ITPK1: variants seen among roughly 807,000 people sequenced by gnomAD.
ITPK1 encodes inositol 1,3,4-trisphosphate 5/6-kinase.
ITPK1 carries 21 observed loss-of-function variants against 45.3 expected under a neutral mutation model. The ratio of observed to expected loss-of-function variants is 0.46; its 90% CI spans 0.33 to 0.67. The LOEUF (loss-of-function observed/expected upper bound fraction) is 0.67, where lower values mean the gene tolerates loss of function less well. Ranked by LOEUF, ITPK1 falls within the 30% of genes least tolerant of loss-of-function variation. The pLI is 0.02. For synonymous variants in ITPK1, 258 were observed against 253.6 expected (o/e 1.02, Z -0.16); for missense variants, 474 against 573.5 (o/e 0.83, Z 1.77).
chr14:92,948,982 GC>G lies in ITPK1; in HGVS notation c.739-2490del, dbSNP rs771228082. ...ACCCCGGCTTTGCAGGACACACAGG[GC>G]CCCCCTGCTCACAGCCTCAAGGCCT... On this transcript the variant is annotated intron_variant, in intron 9 of 10. Transcript: ENST00000267615. Among the ~76,000 whole-genome samples the G allele has an allele frequency of 1.6e-4, 22 of 140,714 alleles. No individual in the cohort carries two copies. In the South Asian group the frequency reaches 2.4e-3, roughly 16 times the overall value. The allele number at this position is 140,714 out of a possible 152,430, so 92.3% of individuals were successfully genotyped here.
In ITPK1 at chr14:92,993,989, G is replaced by A. The variant is rs375334505; in HGVS notation, c.255C>T (p.Ile85=). ...GGACGATGGTCTCAGGGTGGGCATCGATGTACTCCTGAAAGGGAAGCATGC... is the reference window on the plus strand; with the variant it reads ...GGACGATGGTCTCAGGGTGGGCATCAATGTACTCCTGAAAGGGAAGCATGC... ...LELVHRFQEY[I]DAHPETIVLD... is the part of the protein sequence containing the mutation. Residue 85 remains isoleucine (I), a synonymous_variant, in exon 5 of 11, where the codon ATC becomes ATT. Transcript: ENST00000267615. 24 of 1,610,146 alleles carry A rather than the reference G, an allele frequency of 1.5e-5. No homozygotes were observed. Among genetic ancestry groups the A allele is most frequent in the Admixed American group, 5.0e-5 (3 of 60,004 alleles).
intron 3 of ITPK1, among the ~76,000 whole-genome samples, chr14:93,055,866 TGACTCCACA>T (rs771064494): frequency 6.6e-6 from 1 of 152,138 alleles, no homozygotes; most frequent in Non-Finnish European, 1.5e-5. Flanking sequence ...GGAGTGGCAA[TGACTCCACA>T]GACCTTCCTG....
At chr14:93,103,814 G>T (rs1405467067) in intron 2 of ITPK1, among the ~76,000 whole-genome samples, 1 of 152,170 alleles carries the variant, frequency 6.6e-6, no homozygotes, top group Non-Finnish European at 1.5e-5. Context: ...CTGTTGGATG[G>T]AAACAGGGTG....
At chr14:93,050,625 C>T (rs1364938910) in intron 3 of ITPK1, among the ~76,000 whole-genome samples, 2 of 152,104 alleles carry the variant, frequency 1.3e-5, no homozygotes, top group African/African-American at 4.8e-5. Context: ...TGTTTCCTCC[C>T]TTTATTCTCT....
chr14:92,991,235 T>A (rs1401974360), intron 5 of ITPK1, among the ~76,000 whole-genome samples: 1 of 151,946 alleles, frequency 6.6e-6, no homozygotes, highest in Non-Finnish European at 1.5e-5. Flanking sequence ...GCTCTCTGCC[T>A]CTGCAGCTGG....
chr14:93,005,017 C>T (rs1421688259), intron 4 of ITPK1, among the ~76,000 whole-genome samples: 1 of 152,104 alleles, frequency 6.6e-6, no homozygotes, highest in Non-Finnish European at 1.5e-5. Flanking sequence ...GAGCAGGAGA[C>T]GGACCAGCTG....
At chr14:92,978,809 G>T (rs752419871) in intron 5 of ITPK1, among the ~76,000 whole-genome samples, 6 of 152,218 alleles carry the variant, frequency 3.9e-5, no homozygotes, top group Non-Finnish European at 7.3e-5. Context: ...GAAGTCTGCT[G>T]CAAGGGTGGA....
At chr14:93,107,786 G>C (rs1892584992) in intron 2 of ITPK1, among the ~76,000 whole-genome samples, 1 of 152,140 alleles carries the variant, frequency 6.6e-6, no homozygotes, top group Non-Finnish European at 1.5e-5. Flanking sequence ...CACTCCCAGG[G>C]GCCATCCAGA....
intron 2 of ITPK1, among the ~76,000 whole-genome samples, chr14:93,110,254 G>A (rs1305312873): frequency 1.3e-5 from 2 of 152,110 alleles, no homozygotes; most frequent in Non-Finnish European, 2.9e-5. Context: ...TTGCAAGGCT[G>A]GGTTATGAAT....
chr14:93,035,761 C>T (rs540554918), intron 3 of ITPK1, among the ~76,000 whole-genome samples: 10 of 152,208 alleles, frequency 6.6e-5, no homozygotes, highest in Admixed American at 1.3e-4. Context: ...GCCTCACCCT[C>T]CTGGGTACCA....
intron 8 of ITPK1, among the ~76,000 whole-genome samples, chr14:92,952,434 A>G (rs1384672152): frequency 1.3e-5 from 2 of 152,314 alleles, no homozygotes; most frequent in African/African-American, 4.8e-5. Context: ...CTCCCAGCCC[A>G]CGGGACTCTC....
At position 93,115,174 on chromosome 14, in the gene ITPK1, G is replaced by A. The variant is rs776982529; in HGVS notation, c.-11C>T. Reference sequence around the variant, plus strand: ...CAGAAAGGTCTGCATCTTCCTCCTCGGGCGGGGAGCCTGGGTCCGGAGGAA... The same window carrying A: ...CAGAAAGGTCTGCATCTTCCTCCTCAGGCGGGGAGCCTGGGTCCGGAGGAA... On this transcript the variant is annotated 5_prime_UTR_variant, in exon 2 of 11. Transcript: ENST00000267615. 6.3e-7 allele frequency: 1 copy of A among 1,589,506 alleles called. No individual in the cohort carries two copies. Among genetic ancestry groups the A allele is most frequent in the Non-Finnish European group, 8.6e-7 (1 of 1,163,516 alleles).
At chr14:93,074,770 T>C (rs961585724) in intron 3 of ITPK1, among the ~76,000 whole-genome samples, 1 of 152,044 alleles carries the variant, frequency 6.6e-6, no homozygotes, top group East Asian at 1.9e-4. Flanking sequence ...AAAAGGGAAA[T>C]AGAAGCCACC....
chr14:93,103,951 C>T (rs1349305029), intron 2 of ITPK1, among the ~76,000 whole-genome samples: 2 of 152,224 alleles, frequency 1.3e-5, no homozygotes, highest in Non-Finnish European at 2.9e-5. Flanking sequence ...TGGGTGGCAG[C>T]TCCCAGCAGA....
chr14:92,963,950 C>A (rs1038099568), intron 5 of ITPK1, among the ~76,000 whole-genome samples: 3 of 152,140 alleles, frequency 2.0e-5, no homozygotes, highest in Non-Finnish European at 4.4e-5. Flanking sequence ...GGAAACCAAA[C>A]CAAAAGTAAA....
At chr14:92,967,200 TC>T (rs1786983539) in intron 5 of ITPK1, among the ~76,000 whole-genome samples, 1 of 152,190 alleles carries the variant, frequency 6.6e-6, no homozygotes, top group South Asian at 2.1e-4. Flanking sequence ...GCGTCTAGTA[TC>T]CGAAATATAT....
At chr14:93,038,620 T>TGGGTTCA (rs1292662649) in intron 3 of ITPK1, among the ~76,000 whole-genome samples, 16 of 152,166 alleles carry the variant, frequency 1.1e-4, no homozygotes, top group Admixed American at 1.0e-3. Flanking sequence ...CTCCACCTCC[T>TGGGTTCA]GGGTTCAAGC....
intron 4 of ITPK1, among the ~76,000 whole-genome samples, chr14:93,001,462 A>C (rs1259954709): frequency 1.3e-5 from 2 of 152,158 alleles, no homozygotes; most frequent in African/African-American, 4.8e-5. Context: ...CAGCAGCATC[A>C]GCTGGGGATG....
intron 9 of ITPK1, among the ~76,000 whole-genome samples, chr14:92,947,608 T>C (rs1012059783): frequency 6.6e-6 from 1 of 152,206 alleles, no homozygotes; most frequent in African/African-American, 2.4e-5. Flanking sequence ...CTCAGACTTA[T>C]GTTGATAAGG....
Sources: gnomAD v4.1 joint callset for allele counts (sites outside exome capture counted in the v4.1 genomes callset) on GRCh38, gnomAD v4.1.1 for gene constraint, MANE v1.5 for transcripts, NCBI Gene and HGNC (gene_info 2026-07-23, HGNC 2026-07-21) for gene names.